Variants in GYS1 observed in about 807,000 individuals in gnomAD.
GYS1 encodes the protein glycogen [starch] synthase, muscle.
In GYS1, 60 loss-of-function variants were observed where a neutral mutation model predicts 89.1. The observed-to-expected ratio is 0.67, with a 90% confidence interval of 0.55 to 0.84. GYS1 has a LOEUF of 0.84. Among genes scored for constraint, GYS1 ranks in the 40% least tolerant of loss-of-function variants. The pLI is 0.00. For synonymous variants in GYS1, 366 were observed against 401.7 expected (o/e 0.91, Z 1.06); for missense variants, 888 against 1,003.1 (o/e 0.89, Z 1.55).
intron 6 of GYS1, 84 bp from the exon 7 acceptor site, chr19:48,982,459 G>A: frequency 6.5e-7 from 1 of 1,527,316 alleles, no homozygotes; most frequent in East Asian, 2.3e-5. Context: ...AGAAGCTATG[G>A]GTGGGGGGGC....
intron 10 of GYS1, among the ~76,000 whole-genome samples, chr19:48,975,303 G>A (rs1344987447): frequency 2.0e-5 from 3 of 151,020 alleles, no homozygotes; most frequent in South Asian, 4.2e-4. Context: ...CGAACTCATG[G>A]GCTCAAGCGA....
At chr19:48,978,416 G>T (rs561542956) in intron 8 of GYS1, among the ~76,000 whole-genome samples, 7 of 151,840 alleles carry the variant, frequency 4.6e-5, no homozygotes, top group African/African-American at 1.7e-4. Context: ...GTAGAGACGG[G>T]GTTTCTCCAT....
At chr19:48,974,068 C>A in intron 12 of GYS1, 145 bp downstream of exon 12, 1 of 850,678 alleles carries the variant, frequency 1.2e-6, no homozygotes, top group Admixed American at 2.2e-5. Context: ...CACAAAAGCA[C>A]GCGCTGTAGC....
chr19:48,973,809 G>A (rs977687766), intron 12 of GYS1, among the ~76,000 whole-genome samples: 7 of 152,092 alleles, frequency 4.6e-5, no homozygotes, highest in African/African-American at 1.7e-4. Context: ...GAGCCACCAC[G>A]CCCAGCCTTA....
Position 48,991,862 on chromosome 19 carries a change from G to C in GYS1, c.119-379C>G, listed in dbSNP as rs1255820871. 6.6e-6 allele frequency among the ~76,000 whole-genome samples: 1 copy of C among 152,030 alleles called. No individual in the cohort carries two copies. Among genetic ancestry groups the C allele is most frequent in the East Asian group, 1.9e-4 (1 of 5,196 alleles). The stretch of plus-strand genomic sequence containing the variant: ...ACTGACTACCCGGACTCAGGTTCCC[G>C]AGTTCCCAGCTCACAGGAGCTGGGT... On this transcript the variant is annotated intron_variant, in intron 1 of 15. Transcript: ENST00000323798. This position sits in a 1 kb window ranked among gnomAD's most constrained non-coding sequence, Gnocchi z 4.7.
intron 8 of GYS1, 29 bp downstream of exon 8, chr19:48,981,501 C>CGCCAG: frequency 8.0e-7 from 1 of 1,247,464 alleles, no homozygotes; most frequent in Non-Finnish European, 1.2e-6. Context: ...GAGTGGGCTG[C>CGCCAG]GCCAGGGGCC....
rs777428638 is a variant in GYS1, at chr19:48,974,328, G to A, written c.1434C>T (p.His478=). 12 of 1,614,014 alleles carry A rather than the reference G, an allele frequency of 7.4e-6. No homozygotes were observed. The highest frequency in any genetic ancestry group is 1.0e-5 in the Non-Finnish European group (12 of 1,179,930). ...GGCTTGTGGAGGAGAGGAACTCCGG[G>A]TGGAAAATCACCTGGTAGTGAAAAA... The part of the protein sequence containing the change: ...SSADRVKVIF[H]PEFLSSTSPL... The change falls in exon 12 of 16, where the codon CAC becomes CAT. Residue 478 remains histidine, a synonymous_variant. Transcript: ENST00000323798.
chr19:48,983,048 A>G (rs1600144915), intron 5 of GYS1, among the ~76,000 whole-genome samples: 1 of 152,138 alleles, frequency 6.6e-6, no homozygotes, highest in East Asian at 1.9e-4. Context: ...GAGCAGTGGC[A>G]CAATCACAGC....
Position 48,978,171 on chromosome 19 carries a change from A to G in GYS1, c.1170-14T>C. ...TTGGCCGTGTCCCTGGAGGAAGCAG[A>G]GCAACAGGGTCACATACACACCAGC... On this transcript the variant is annotated splice_polypyrimidine_tract_variant and intron_variant, in intron 8 of 15. Coordinates refer to ENST00000323798, the MANE Select transcript of GYS1 (RefSeq NM_002103.5). 1 of 1,609,432 alleles carries G rather than the reference A, an allele frequency of 6.2e-7. No homozygotes were observed. The highest frequency in any genetic ancestry group is 8.5e-7 in the Non-Finnish European group (1 of 1,175,774).
chr19:48,989,998 T>TGGGGGGGGGG, intron 2 of GYS1, among the ~76,000 whole-genome samples: 1 of 49,644 alleles, frequency 2.0e-5, no homozygotes, highest in African/African-American at 9.9e-5. Flanking sequence ...GCCCTTTTGC[T>TGGGGGGGGGG]GGGGGGGGGG....
chr19:48,969,511 C>T lies in GYS1; in HGVS notation c.1991G>A (p.Arg664Gln). 1 of 1,544,106 alleles carries T rather than the reference C, an allele frequency of 6.5e-7. No homozygotes were observed. The highest frequency in any genetic ancestry group is 8.7e-7 in the Non-Finnish European group (1 of 1,146,884). The stretch of plus-strand genomic sequence containing the variant: ...GCCGTCTTCCTCCAGCGGCCCGTTC[C>T]GGGGATCCTCCTCGTCCTCACTCTG... ...PHQSEDEEDP[R>Q]NGPLEEDGER... The change falls in exon 16 of 16, where the codon CGG becomes CAG. Residue 664 changes from arginine to glutamine, a missense_variant. Coordinates refer to ENST00000323798, the MANE Select transcript of GYS1 (RefSeq NM_002103.5).
chr19:48,986,070 G>A (rs371182075), intron 3 of GYS1, 35 bp from the exon 4 acceptor site: 180 of 1,600,104 alleles, frequency 1.1e-4, no homozygotes, highest in Non-Finnish European at 1.5e-4. Flanking sequence ...CTGTCTCCAC[G>A]AGTGTTGGGA....
intron 3 of GYS1, 56 bp from the exon 4 acceptor site, chr19:48,986,091 C>A: frequency 6.5e-7 from 1 of 1,534,204 alleles, no homozygotes; most frequent in Non-Finnish European, 9.0e-7. Flanking sequence ...AAAGAATCGG[C>A]AATCCCCAGT....
Position 48,970,977 on chromosome 19 carries a change from GGA to G in GYS1, c.1594_1595del (p.Ser532ArgfsTer22). ...GTTCCTCCATGAAGCAGCCGAAGCC[GGA>G]GAGATTGGTGGAGATACTGGGGATT... ...MGIPSISTNL[S>X]GFGCFMEEHI... On this transcript the variant is annotated frameshift_variant, in exon 13 of 16. Coordinates refer to ENST00000323798, the MANE Select transcript of GYS1 (RefSeq NM_002103.5). LOFTEE classifies it high-confidence loss of function. The G allele has an allele frequency of 1.2e-6, 2 of 1,614,058 alleles. No homozygotes were observed. Among genetic ancestry groups the G allele is most frequent in the East Asian group, 2.2e-5 (1 of 44,874 alleles).
At chr19:48,985,265 G>A (rs2038823786) in intron 5 of GYS1, among the ~76,000 whole-genome samples, 196 bp downstream of exon 5, 2 of 152,144 alleles carry the variant, frequency 1.3e-5, no homozygotes, top group Non-Finnish European at 2.9e-5. Context: ...TCAAATTCCC[G>A]GGCTCAAGTG....
Position 48,970,770 on chromosome 19 carries a change from A to T in GYS1, c.1646-61T>A, listed in dbSNP as rs2270938. On this transcript the variant is annotated intron_variant, in intron 13 of 15. Transcript: ENST00000323798. ...TGGGGAGATCTTCATGGTCTCCAGG[A>T]CTCTGTGGCACCAGGACCCCTCCTC... is the stretch of plus-strand genomic sequence containing the variant. 585,497 of 1,534,400 alleles carry T rather than the reference A, an allele frequency of 0.38. 112,697 individuals carry two copies. Among genetic ancestry groups the T allele is most frequent in the Middle Eastern group, 0.46 (2,502 of 5,396 alleles).
At chr19:48,974,954 G>A (rs191765855) in intron 10 of GYS1, among the ~76,000 whole-genome samples, 32 of 152,096 alleles carry the variant, frequency 2.1e-4, no homozygotes, top group East Asian at 1.5e-3. Context: ...TTTTTGAGGC[G>A]GAGTCTCGCT....
chr19:48,974,394 G>T, intron 11 of GYS1, 55 bp from the exon 12 acceptor site: 1 of 1,596,926 alleles, frequency 6.3e-7, no homozygotes, highest in East Asian at 2.2e-5. Flanking sequence ...TAAGCCCTGA[G>T]ATCCCAAGGT....
Position 48,971,018 on chromosome 19 carries a change from A to G in GYS1, c.1555T>C (p.Cys519Arg). The G allele has an allele frequency of 6.2e-7, 1 of 1,612,668 alleles. No individual in the cohort carries two copies. Among genetic ancestry groups the G allele is most frequent in the Non-Finnish European group, 8.5e-7 (1 of 1,178,704 alleles). ...ATACTGGGGATTCCCATAACCGTGC[A>G]CTCAGCTGCGGGAAGGCAGGAGAGA... Reference protein sequence around the residue: ...YEPWGYTPAECTVMGIPSIST... With the variant: ...YEPWGYTPAERTVMGIPSIST... The change falls in exon 13 of 16, where the codon TGC becomes CGC. Residue 519 changes from cysteine to arginine, a missense_variant. Coordinates refer to ENST00000323798, the MANE Select transcript of GYS1 (RefSeq NM_002103.5).
Sources: allele counts gnomAD v4.1 joint callset (sites outside exome capture counted in the v4.1 genomes callset), GRCh38; gene constraint gnomAD v4.1.1; non-coding constraint Gnocchi (gnomAD v3.1); transcripts MANE v1.5; gene names NCBI Gene and HGNC (gene_info 2026-07-23, HGNC 2026-07-21).